SERPINI1: variants seen among roughly 807,000 people sequenced by gnomAD.
SERPINI1 encodes serpin family I member 1, also known as neuroserpin.
A neutral mutation model predicts 41.1 loss-of-function variants in SERPINI1; 19 were observed. The ratio of observed to expected loss-of-function variants is 0.46; its 90% CI spans 0.32 to 0.68. The LOEUF is 0.68. Among genes scored for constraint, SERPINI1 ranks in the 30% least tolerant of loss-of-function variants. The pLI is 0.03. For synonymous variants in SERPINI1, 138 were observed against 156.6 expected, an observed-to-expected ratio of 0.88 and a Z score of 0.89; for missense variants, 460 against 479.2, an observed-to-expected ratio of 0.96 and a Z score of 0.37.
Position 167,792,721 on chromosome 3 carries a change from A to G in SERPINI1, c.613A>G (p.Thr205Ala). ...TGAAAATACTAGAACCTTTTCTTTC[A>G]CTAAAGATGATGAAAGTGAAGTCCA... The part of the protein sequence containing the change: ...RPENTRTFSF[T>A]KDDESEVQIP... The change falls in exon 4 of 9, where the codon ACT (threonine) becomes GCT (alanine). Residue 205 changes from threonine (T) to alanine (A), a missense_variant. By Grantham distance (58) the Thr-to-Ala change is moderately conservative. Coordinates refer to ENST00000446050, the MANE Select transcript of SERPINI1 (RefSeq NM_001122752.2). 1 of 1,613,898 alleles carries G rather than the reference A, an allele frequency of 6.2e-7. No individual in the cohort carries two copies. The highest frequency in any genetic ancestry group is 2.2e-5 in the East Asian group (1 of 44,846).
At chr3:167,760,008 CA>C (rs760527966) in intron 1 of SERPINI1, among the ~76,000 whole-genome samples, 19 of 152,012 alleles carry the variant, frequency 1.2e-4, no homozygotes, top group Non-Finnish European at 2.4e-4. Context: ...CCTTAGTTTC[CA>C]ATCTGTGAAA....
intron 5 of SERPINI1, among the ~76,000 whole-genome samples, chr3:167,806,096 G>A (rs1051227949): frequency 6.6e-6 from 1 of 152,110 alleles, no homozygotes; most frequent in Non-Finnish European, 1.5e-5. Context: ...TGATAGACTG[G>A]ATAAAGAAAA....
chr3:167,820,975 T>C (rs1273561461), intron 6 of SERPINI1, among the ~76,000 whole-genome samples: 1 of 152,144 alleles, frequency 6.6e-6, no homozygotes, highest in East Asian at 1.9e-4. Context: ...GATGACAGGA[T>C]GACCTGCCTG....
chr3:167,772,864 C>CTCTCTCTCTCTA lies in SERPINI1; in HGVS notation c.-18-16246_-18-16245insCTCTCTCTCTAT, dbSNP rs1374013676. The stretch of plus-strand genomic sequence containing the variant: ...TCTCTCTCTCTCTCTCTCTCTCTCT[C>CTCTCTCTCTCTA]TATATATATATATATATATATATAT... On this transcript the variant is annotated intron_variant, in intron 1 of 8. Coordinates refer to ENST00000446050, the MANE Select transcript of SERPINI1 (RefSeq NM_001122752.2). Among the ~76,000 whole-genome samples, 61 of 24,626 alleles carry CTCTCTCTCTCTA rather than the reference C, an allele frequency of 2.5e-3. 1 individual carries two copies. Among genetic ancestry groups the CTCTCTCTCTCTA allele is most frequent in the African/African-American group, 4.1e-3 (22 of 5,372 alleles). The allele number at this position is 24,626 out of a possible 152,430, so 16.2% of individuals were successfully genotyped here.
intron 1 of SERPINI1, among the ~76,000 whole-genome samples, chr3:167,757,235 T>C (rs1311217181): frequency 1.3e-5 from 2 of 152,210 alleles, no homozygotes. Context: ...GACCTCACAC[T>C]AAACTGCAAG....
intron 1 of SERPINI1, among the ~76,000 whole-genome samples, chr3:167,749,145 C>T (rs1222888241): frequency 1.3e-5 from 2 of 152,106 alleles, no homozygotes; most frequent in East Asian, 3.9e-4. Context: ...TATCCCCTTG[C>T]TTTTATGATT....
chr3:167,824,483 A>G lies in SERPINI1; in HGVS notation c.1077A>G (p.Ala359=). Reference sequence around the variant, plus strand: ...TTATCTGCACTGTAGGAATGATTGCAATTAGTAGGATGGCTGTGCTGTATC... The same window carrying G: ...TTATCTGCACTGTAGGAATGATTGCGATTAGTAGGATGGCTGTGCTGTATC... The part of the protein sequence containing the change: ...SEAAAVSGMI[A]ISRMAVLYPQ... Residue 359 remains alanine, a synonymous_variant, in exon 8 of 9, where the codon GCA becomes GCG. Transcript: ENST00000446050. 3 of 1,613,096 alleles carry G rather than the reference A, an allele frequency of 1.9e-6. No homozygotes were observed. The South Asian group carries it at 3.3e-5, about 18-fold the overall frequency.
intron 6 of SERPINI1, among the ~76,000 whole-genome samples, chr3:167,809,998 T>A (rs10513634): frequency 0.11 from 17,240 of 152,142 alleles, 1,077 homozygotes; most frequent in Non-Finnish European, 0.14. Flanking sequence ...TTTGCCAGAG[T>A]CTAAGCAGCT....
At chr3:167,796,222 T>C (rs1727706903) in intron 5 of SERPINI1, among the ~76,000 whole-genome samples, 1 of 151,984 alleles carries the variant, frequency 6.6e-6, no homozygotes, top group African/African-American at 2.4e-5. Context: ...AGTTTTTGCC[T>C]GGAAAATTGT....
At chr3:167,750,025 T>G (rs1205346054) in intron 1 of SERPINI1, among the ~76,000 whole-genome samples, 2 of 152,314 alleles carry the variant, frequency 1.3e-5, no homozygotes, top group Admixed American at 1.3e-4. Flanking sequence ...GGATTAATTG[T>G]TACATTTCCA....
At chr3:167,749,879 G>A (rs1243711500) in intron 1 of SERPINI1, among the ~76,000 whole-genome samples, 1 of 152,216 alleles carries the variant, frequency 6.6e-6, no homozygotes, top group Non-Finnish European at 1.5e-5. Flanking sequence ...GGTGCCGGAA[G>A]GGTTCATGTC....
chr3:167,744,799 TA>T (rs1725808930), intron 1 of SERPINI1, among the ~76,000 whole-genome samples: 6 of 128,318 alleles, frequency 4.7e-5, no homozygotes, highest in African/African-American at 1.8e-4. Flanking sequence ...TATATATATA[TA>T]TAATATATAA....
intron 6 of SERPINI1, among the ~76,000 whole-genome samples, chr3:167,812,656 C>T (rs2055027): frequency 0.81 from 123,692 of 152,162 alleles, 50,494 homozygotes; most frequent in East Asian, 0.97. Flanking sequence ...TCCTATAGTG[C>T]CCAGCACTGT....
In SERPINI1 at chr3:167,822,880, C is replaced by T. The variant is rs556800604; in HGVS notation, c.980-106C>T. ...CTTTTAACATTATCTCCTAGGTTTT[C>T]TTCAGTATCCCAGTCTCTTAGATCT... is the stretch of plus-strand genomic sequence containing the variant. On this transcript the variant is annotated intron_variant, in intron 6 of 8. Transcript: ENST00000446050. 404 of 703,226 alleles carry T rather than the reference C, an allele frequency of 5.7e-4. 1 individual carries two copies. Among genetic ancestry groups the T allele is most frequent in the Non-Finnish European group, 9.2e-4 (354 of 384,638 alleles). 43.6% of individuals were successfully genotyped at this position (703,226 alleles called of 1,614,324 possible). A position where few individuals can be genotyped will look rare whatever the true frequency, so the allele number is the denominator to read the frequency against.
chr3:167,764,682 G>A (rs1443426368), intron 1 of SERPINI1, among the ~76,000 whole-genome samples: 1 of 152,130 alleles, frequency 6.6e-6, no homozygotes, highest in African/African-American at 2.4e-5. Context: ...ACTCATTTCA[G>A]CATTAACTCC....
chr3:167,818,829 C>A (rs1712216139), intron 6 of SERPINI1, among the ~76,000 whole-genome samples: 1 of 152,178 alleles, frequency 6.6e-6, no homozygotes, highest in Non-Finnish European at 1.5e-5. Flanking sequence ...GTGCCTACTG[C>A]AGCCAGCTGG....
In SERPINI1 at chr3:167,796,745, T is replaced by A. The variant is rs181419482; in HGVS notation, c.881+1921T>A. On this transcript the variant is annotated intron_variant, in intron 5 of 8. Transcript: ENST00000446050. ...GTGTATATGTACAACATTTTTTTTTTATCTGGTCTGTCCTTGATGGGCATG... is the reference window on the plus strand; with the variant it reads ...GTGTATATGTACAACATTTTTTTTTAATCTGGTCTGTCCTTGATGGGCATG... Among the ~76,000 whole-genome samples the A allele has an allele frequency of 3.1e-3, 467 of 152,128 alleles. 2 individuals are homozygous for A. The highest frequency in any genetic ancestry group is 0.01 in the African/African-American group (433 of 41,488).
chr3:167,818,103 G>A (rs577776908), intron 6 of SERPINI1, among the ~76,000 whole-genome samples: 6 of 152,076 alleles, frequency 3.9e-5, no homozygotes, highest in African/African-American at 9.6e-5. Context: ...TCGGCTCACC[G>A]CAACCTCTGC....
chr3:167,790,211 G>A (rs1727452554), intron 2 of SERPINI1, among the ~76,000 whole-genome samples, 161 bp from the exon 3 acceptor site: 2 of 152,166 alleles, frequency 1.3e-5, no homozygotes, highest in African/African-American at 4.8e-5. Flanking sequence ...TCTAGAAATA[G>A]TACAAGTATT....
Sources: gnomAD v4.1 joint callset for allele counts (sites outside exome capture counted in the v4.1 genomes callset) on GRCh38, gnomAD v4.1.1 for gene constraint, MANE v1.5 for transcripts, NCBI Gene and HGNC (gene_info 2026-07-23, HGNC 2026-07-21) for gene names.